Variants in BDH1 observed in about 807,000 individuals in gnomAD.
BDH1 encodes the protein 3-hydroxybutyrate dehydrogenase 1.
In BDH1, 30 loss-of-function variants were observed where a neutral mutation model predicts 33.1. The ratio of observed to expected loss-of-function variants is 0.91; its 90% CI spans 0.68 to 1.23. The LOEUF is 1.23. Ranked by LOEUF, BDH1 falls within the 50% of genes most tolerant of loss-of-function variation. The probability of loss-of-function intolerance (pLI) is 0.00; values close to 1 mark genes in which losing one functional copy is unlikely to be tolerated. For missense variants in BDH1, 443 were observed against 464.4 expected, an observed-to-expected ratio of 0.95 and a Z score of 0.42; for synonymous variants, 190 against 183.6, an observed-to-expected ratio of 1.03 and a Z score of -0.28.
chr3:197,545,528 G>A (rs903567861), intron 3 of BDH1, among the ~76,000 whole-genome samples: 4 of 152,140 alleles, frequency 2.6e-5, no homozygotes, highest in South Asian at 2.1e-4. Context: ...GGTCGTGAGC[G>A]AAAAAGACTG....
intron 2 of BDH1, among the ~76,000 whole-genome samples, chr3:197,552,662 T>A (rs1484013242): frequency 6.6e-6 from 1 of 152,210 alleles, no homozygotes; most frequent in South Asian, 2.1e-4. Flanking sequence ...CTAAAATGTT[T>A]ACTAAGACAT....
chr3:197,536,791 C>A (rs577112786), intron 3 of BDH1, among the ~76,000 whole-genome samples: 2 of 152,188 alleles, frequency 1.3e-5, no homozygotes, highest in Admixed American at 1.3e-4. Flanking sequence ...CAAAGTGAGC[C>A]GAGATCGCAC....
upstream of BDH1, among the ~76,000 whole-genome samples, chr3:197,556,331 C>T (rs2108770107): frequency 6.6e-6 from 1 of 152,336 alleles, no homozygotes; most frequent in South Asian, 2.1e-4. Flanking sequence ...GTCTTTAGAG[C>T]TCATTAGGGT....
At position 197,514,305 on chromosome 3, in the gene BDH1, C is replaced by T. The variant is rs772452248; in HGVS notation, c.521G>A (p.Arg174Gln). Reference protein sequence around the residue: ...VAEVNLWGTVRMTKSFLPLIR... With the variant: ...VAEVNLWGTVQMTKSFLPLIR... ...GAGGGGGAGAAAGGATTTCGTCATC[C>T]GCACTGTGCCCCAAAGGTTCACTTC... Residue 174 changes from arginine to glutamine, a missense_variant, in exon 7 of 8, where the codon CGG (arginine) becomes CAG (glutamine). Physicochemically the swap from Arg to Gln is conservative, Grantham distance 43 (BLOSUM62 1). Transcript: ENST00000392379. This position sits in a 1 kb window ranked among gnomAD's most constrained non-coding sequence, Gnocchi z 4.2. 37 of 1,613,932 alleles carry T rather than the reference C, an allele frequency of 2.3e-5. No homozygotes were observed. The highest frequency in any genetic ancestry group is 1.7e-4 in the Middle Eastern group (1 of 6,060).
chr3:197,561,122 G>T (rs1228867338), intron 1 of BDH1, among the ~76,000 whole-genome samples: 2 of 152,182 alleles, frequency 1.3e-5, no homozygotes, highest in Non-Finnish European at 2.9e-5. Context: ...ACTTGTCTCA[G>T]ATTTGGGGGG....
chr3:197,545,966 G>A (rs986764248), intron 3 of BDH1, among the ~76,000 whole-genome samples: 1 of 152,070 alleles, frequency 6.6e-6, no homozygotes, highest in Non-Finnish European at 1.5e-5. Context: ...GTGAAACCCC[G>A]TCTCTACTAA....
chr3:197,540,815 A>T (rs1376293951), intron 3 of BDH1, among the ~76,000 whole-genome samples: 1 of 152,210 alleles, frequency 6.6e-6, no homozygotes, highest in Non-Finnish European at 1.5e-5. Context: ...GTATTATACC[A>T]GGCTCTACCA....
chr3:197,547,280 A>G (rs1716166634), intron 2 of BDH1, among the ~76,000 whole-genome samples: 1 of 152,216 alleles, frequency 6.6e-6, no homozygotes, highest in Non-Finnish European at 1.5e-5. Context: ...TGATTCCTCC[A>G]GGCCTAAGGG....
At chr3:197,518,894 C>CG in intron 6 of BDH1, among the ~76,000 whole-genome samples, 1 of 91,682 alleles carries the variant, frequency 1.1e-5, no homozygotes, top group Non-Finnish European at 2.3e-5. Context: ...CTCCATCCCC[C>CG]CTCAGGCTGA....
Position 197,541,990 on chromosome 3 carries a change from A to G in BDH1, c.83+4371T>C, listed in dbSNP as rs374970686. Among the ~76,000 whole-genome samples the G allele has an allele frequency of 3.1e-3, 476 of 152,322 alleles. 1 individual carries two copies. The highest frequency in any genetic ancestry group is 0.011 in the African/African-American group (452 of 41,574). ...AAGAATCTGGATTTTGTCCAGGGAC[A>G]GCAGTGCGCCCAACGCTTTCCAGAT... is the stretch of plus-strand genomic sequence containing the variant. On this transcript the variant is annotated intron_variant, in intron 3 of 7. Transcript: ENST00000392379.
rs1560296787 is a variant in BDH1, at chr3:197,510,674, A to AGTGTG, written c.*1220_*1221insCACAC. The AGTGTG allele has an allele frequency of 1.1e-4, 4 of 37,294 alleles. No individual in the cohort carries two copies. Among genetic ancestry groups the AGTGTG allele is most frequent in the African/African-American group, 1.8e-4 (2 of 11,130 alleles). The allele number at this position is 37,294 out of a possible 1,614,324, so 2.3% of individuals were successfully genotyped here. A position where few individuals can be genotyped will look rare whatever the true frequency, so the allele number is the denominator to read the frequency against. On this transcript the variant is annotated 3_prime_UTR_variant, in exon 8 of 8. Coordinates refer to ENST00000392379, the MANE Select transcript of BDH1 (RefSeq NM_203314.3). ...TGTGTGTGTGTGTGTGTGTGTGTAC[A>AGTGTG]TGTGTGTAAGGTGTGTGTGTGTGTG...
intron 2 of BDH1, among the ~76,000 whole-genome samples, chr3:197,551,556 T>A (rs1217951013): frequency 6.6e-6 from 1 of 152,184 alleles, no homozygotes; most frequent in African/African-American, 2.4e-5. Flanking sequence ...ATCTCTTCAA[T>A]ATACTGATTT....
chr3:197,542,635 C>T (rs1202038500), intron 3 of BDH1, among the ~76,000 whole-genome samples: 1 of 149,754 alleles, frequency 6.7e-6, no homozygotes, highest in African/African-American at 2.5e-5. Context: ...GCGATTCTCC[C>T]GCCTCAGCCT....
intron 2 of BDH1, among the ~76,000 whole-genome samples, chr3:197,552,491 A>C (rs1716657144): frequency 6.6e-6 from 1 of 152,138 alleles, no homozygotes; most frequent in Non-Finnish European, 1.5e-5. Context: ...CTGGGTCTCC[A>C]TTGTCCCTCT....
At chr3:197,518,452 G>C (rs535759686) in intron 6 of BDH1, among the ~76,000 whole-genome samples, 1 of 19,858 alleles carries the variant, frequency 5.0e-5, no homozygotes, top group African/African-American at 1.9e-4. Context: ...CTGCTCTATG[G>C]TCTCCATCTC....
chr3:197,568,848 C>T lies in BDH1; in HGVS notation c.-44+4333G>A, dbSNP rs931024367. Among the ~76,000 whole-genome samples the T allele has an allele frequency of 5.5e-4, 83 of 152,046 alleles. 1 individual carries two copies. The highest frequency in any genetic ancestry group is 1.8e-3 in the African/African-American group (76 of 41,394). ...TTCATTCAGTTTGCACTGATTGAGT[C>T]CTTATAATATCTCACTGATTGTGCT... On this transcript the variant is annotated intron_variant, in intron 1 of 6. Coordinates refer to the BDH1 transcript ENST00000358186.
At chr3:197,539,809 C>T (rs778048691) in intron 3 of BDH1, among the ~76,000 whole-genome samples, 45 of 152,302 alleles carry the variant, frequency 3.0e-4, no homozygotes, top group Admixed American at 6.5e-4. Flanking sequence ...ACTGGCCTTC[C>T]CCCACCCACC....
In BDH1 at chr3:197,511,847, C is replaced by T; in HGVS notation, c.*48G>A. On this transcript the variant is annotated 3_prime_UTR_variant, in exon 8 of 8. Transcript: ENST00000392379. ...AGTTGACTATATGGGTTCCTCCCTC[C>T]CCTCCCCTTCCACCAGGGATCCCTG... 1 of 1,503,402 alleles carries T rather than the reference C, an allele frequency of 6.7e-7. No individual in the cohort carries two copies. The highest frequency in any genetic ancestry group is 1.3e-5 in the South Asian group (1 of 75,710). The allele number at this position is 1,503,402 out of a possible 1,614,324, so 93.1% of individuals were successfully genotyped here.
At chr3:197,558,410 A>G (rs761901897), upstream of BDH1, among the ~76,000 whole-genome samples, 1 of 152,190 alleles carries the variant, frequency 6.6e-6, no homozygotes, top group Non-Finnish European at 1.5e-5. Context: ...CAATTCTGAG[A>G]TATGTTCTAT....
Sources: allele counts gnomAD v4.1 joint callset (sites outside exome capture counted in the v4.1 genomes callset), GRCh38; gene constraint gnomAD v4.1.1; non-coding constraint Gnocchi (gnomAD v3.1); transcripts MANE v1.5; gene names NCBI Gene and HGNC (gene_info 2026-07-23, HGNC 2026-07-21).